The following RAVER1 variants were observed in gnomAD, a reference collection of about 807,000 sequenced individuals.
RAVER1 encodes ribonucleoprotein PTB-binding 1.
In RAVER1, 36 loss-of-function variants were observed where a neutral mutation model predicts 68.4. That is an observed-to-expected ratio of 0.53 (90% CI 0.40 to 0.70). RAVER1 has a LOEUF of 0.70. Ranked by LOEUF, RAVER1 falls within the 30% of genes least tolerant of loss-of-function variation. RAVER1 has a pLI of 0.00. For missense variants in RAVER1, 933 were observed against 1,019.8 expected (o/e 0.91, Z 1.16); for synonymous variants, 469 against 472.7 (o/e 0.99, Z 0.10).
In RAVER1 at chr19:10,329,262, A is replaced by G. The variant is rs979054342; in HGVS notation, c.287-151T>C. Among the ~76,000 whole-genome samples, 4 of 152,236 alleles carry G rather than the reference A, an allele frequency of 2.6e-5. No homozygotes were observed. The highest frequency in any genetic ancestry group is 9.6e-5 in the African/African-American group (4 of 41,468). On this transcript the variant is annotated intron_variant, in intron 2 of 12. Transcript: ENST00000617231. This position sits in a 1 kb window ranked among gnomAD's most constrained non-coding sequence, Gnocchi z 4.6. ...AGTTGCCAGCCTTGGCGACTCACACAGGCGAGAGCGCCTGCCATTGACTCT... is the reference window on the plus strand; with the variant it reads ...AGTTGCCAGCCTTGGCGACTCACACGGGCGAGAGCGCCTGCCATTGACTCT...
intron 9 of RAVER1, 86 bp from the exon 10 acceptor site, chr19:10,319,326 G>T: frequency 7.4e-7 from 1 of 1,346,868 alleles, no homozygotes; most frequent in Non-Finnish European, 1.0e-6. Flanking sequence ...CTGTCATCAG[G>T]GAAGACAGTC....
At position 10,329,436 on chromosome 19, in the gene RAVER1, G is replaced by T. The variant is rs768121241; in HGVS notation, c.287-325C>A. 2.0e-5 allele frequency among the ~76,000 whole-genome samples: 3 copies of T among 152,192 alleles called. No homozygotes were observed. The highest frequency in any genetic ancestry group is 2.9e-5 in the Non-Finnish European group (2 of 68,032). ...CAGTGGTTAAGCCCATGCTCACTGG[G>T]GCCCAGATTTAAGCCCCAAGCCCCA... On this transcript the variant is annotated intron_variant, in intron 2 of 12. Transcript: ENST00000617231. This position sits in a 1 kb window ranked among gnomAD's most constrained non-coding sequence, Gnocchi z 4.6.
chr19:10,328,844 G>A lies in RAVER1; in HGVS notation c.554C>T (p.Ser185Leu), dbSNP rs2040494044. The A allele has an allele frequency of 4.3e-6, 7 of 1,613,244 alleles. No homozygotes were observed. Among genetic ancestry groups the A allele is most frequent in the Non-Finnish European group, 5.1e-6 (6 of 1,179,822 alleles). The change falls in exon 3 of 13, where the codon TCG (serine) becomes TTG (leucine). Residue 185 changes from serine to leucine, a missense_variant. Ser to Leu is a moderately radical substitution (Grantham distance 145, BLOSUM62 -2). Around this residue, in one of 3 missense-constraint regions of RAVER1, gnomAD observed 23 missense variants for 58.7 expected, o/e 0.39. Coordinates refer to ENST00000617231, the MANE Select transcript of RAVER1 (RefSeq NM_133452.3). This position sits in a 1 kb window ranked among gnomAD's most constrained non-coding sequence, Gnocchi z 4.4. ...YGFAEYMKKD[S>L]AARAKSDLLG... Reference sequence around the variant, plus strand: ...CAGGTCCGACTTGGCACGGGCAGCCGAGTCCTTCTTCATGTACTCAGCAAA... The same window carrying A: ...CAGGTCCGACTTGGCACGGGCAGCCAAGTCCTTCTTCATGTACTCAGCAAA...
Position 10,333,399 on chromosome 19 carries a change from G to A in RAVER1, c.109C>T (p.Pro37Ser). ...CGGATCTCTTCTGGATCTAGAGGCG[G>A]CAGCTCTTCTTCCGGCGCCCGGCGC... ...AERRAPEEEL[P>S]PLDPEEIRKR... The change falls in exon 1 of 13, where the codon CCG (proline) becomes TCG (serine). Residue 37 changes from proline to serine, a missense_variant. Pro to Ser is a moderately conservative substitution (Grantham distance 74). Transcript: ENST00000617231. The surrounding 1 kb of genome is among the most constrained non-coding windows in gnomAD (Gnocchi z 4.2). 1 of 1,613,780 alleles carries A rather than the reference G, an allele frequency of 6.2e-7. No homozygotes were observed. The highest frequency in any genetic ancestry group is 1.1e-5 in the South Asian group (1 of 91,090).
Position 10,323,456 on chromosome 19 carries a change from GC to G in RAVER1, c.866del (p.Gly289AlafsTer218). The G allele has an allele frequency of 1.2e-6, 2 of 1,609,624 alleles. No individual in the cohort carries two copies. Among genetic ancestry groups the G allele is most frequent in the Non-Finnish European group, 1.7e-6 (2 of 1,179,418 alleles). ...QQQADGLSLG[G>X]SHLRVSFCAP... The stretch of plus-strand genomic sequence containing the variant: ...CGCAGAAGGAGACTCGCAGGTGGCT[GC>G]CCCCCAGGGACAGGCCGTCCGCCTG... On this transcript the variant is annotated frameshift_variant, in exon 4 of 13. Transcript: ENST00000617231. LOFTEE classifies it high-confidence loss of function. This position sits in a 1 kb window ranked among gnomAD's most constrained non-coding sequence, Gnocchi z 6.2.
At chr19:10,325,101 A>G (rs1599302447) in intron 3 of RAVER1, among the ~76,000 whole-genome samples, 1 of 151,652 alleles carries the variant, frequency 6.6e-6, no homozygotes, top group African/African-American at 2.4e-5. Flanking sequence ...GCTCACTGCA[A>G]CCTCCACCTC....
chr19:10,317,378 A>G lies in RAVER1; in HGVS notation c.*76T>C, dbSNP rs1429555602. ...CCGAAAGAGAGAAAATGGTTTAAAA[A>G]AAACACAAAACAAAACATCAGAAAA... is the stretch of plus-strand genomic sequence containing the variant. On this transcript the variant is annotated 3_prime_UTR_variant, in exon 13 of 13. Transcript: ENST00000617231. The surrounding 1 kb of genome is among the most constrained non-coding windows in gnomAD (Gnocchi z 4.3). 2 of 1,498,490 alleles carry G rather than the reference A, an allele frequency of 1.3e-6. No homozygotes were observed. Among genetic ancestry groups the G allele is most frequent in the Non-Finnish European group, 1.8e-6 (2 of 1,082,000 alleles). The allele number at this position is 1,498,490 out of a possible 1,614,324, so 92.8% of individuals were successfully genotyped here.
Position 10,328,462 on chromosome 19 carries a change from G to T in RAVER1, c.756+180C>A, listed in dbSNP as rs1002412619. ...AGCTACTCTGGAGGTTAAGGCAAGA[G>T]AATTGCTTGAACCAAAGAGGCGGAG... On this transcript the variant is annotated intron_variant, in intron 3 of 12. Coordinates refer to ENST00000617231, the MANE Select transcript of RAVER1 (RefSeq NM_133452.3). This position sits in a 1 kb window ranked among gnomAD's most constrained non-coding sequence, Gnocchi z 4.4. Among the ~76,000 whole-genome samples the T allele has an allele frequency of 4.6e-5, 7 of 152,102 alleles. No individual in the cohort carries two copies. Among genetic ancestry groups the T allele is most frequent in the Non-Finnish European group, 2.9e-5 (2 of 68,024 alleles).
intron 9 of RAVER1, among the ~76,000 whole-genome samples, chr19:10,320,366 T>C (rs2040426716): frequency 6.6e-6 from 1 of 151,870 alleles, no homozygotes. Context: ...TAGCTGGGCA[T>C]GGAGGTGCGT....
In RAVER1 at chr19:10,323,285, G is replaced by A. The variant is rs764007691; in HGVS notation, c.949-11C>T. 2.5e-6 allele frequency: 4 copies of A among 1,613,220 alleles called. No individual in the cohort carries two copies. Among genetic ancestry groups the A allele is most frequent in the Non-Finnish European group, 2.5e-6 (3 of 1,179,646 alleles). On this transcript the variant is annotated splice_polypyrimidine_tract_variant and intron_variant, in intron 4 of 12. Transcript: ENST00000617231. This position sits in a 1 kb window ranked among gnomAD's most constrained non-coding sequence, Gnocchi z 6.2. ...CCCCCGATTGAGGGCCTGCAGGAAG[G>A]AACAGAAGCAGCTCAGAGTGCCGCT... is the stretch of plus-strand genomic sequence containing the variant.
At position 10,329,319 on chromosome 19, in the gene RAVER1, C is replaced by T. The variant is rs1042960964; in HGVS notation, c.287-208G>A. ...CACGAAGCCCACTCCCTCTCCCAGC[C>T]CTGCGTCCACCTGCACCCACAGCAG... On this transcript the variant is annotated intron_variant, in intron 2 of 12. Coordinates refer to ENST00000617231, the MANE Select transcript of RAVER1 (RefSeq NM_133452.3). This position sits in a 1 kb window ranked among gnomAD's most constrained non-coding sequence, Gnocchi z 4.6. 9.9e-5 allele frequency among the ~76,000 whole-genome samples: 15 copies of T among 152,202 alleles called. No homozygotes were observed. The highest frequency in any genetic ancestry group is 3.4e-4 in the African/African-American group (14 of 41,446).
At chr19:10,332,831 T>C (rs1197980403) in intron 1 of RAVER1, among the ~76,000 whole-genome samples, 1 of 152,154 alleles carries the variant, frequency 6.6e-6, no homozygotes, top group Non-Finnish European at 1.5e-5. Flanking sequence ...GATTTATCTC[T>C]GAGAGCAGTG....
Position 10,333,515 on chromosome 19 carries a change from A to T in RAVER1, c.-8T>A. ...GGACACGTCCGCCGCCATCTTGGGA[A>T]ACCCGGCGCCTTCTGGGACCAGCGA... is the stretch of plus-strand genomic sequence containing the variant. On this transcript the variant is annotated 5_prime_UTR_variant, in exon 1 of 13. Coordinates refer to ENST00000617231, the MANE Select transcript of RAVER1 (RefSeq NM_133452.3). The surrounding 1 kb of genome is among the most constrained non-coding windows in gnomAD (Gnocchi z 4.2). 6.3e-7 allele frequency: 1 copy of T among 1,594,438 alleles called. No homozygotes were observed. Among genetic ancestry groups the T allele is most frequent in the Non-Finnish European group, 8.5e-7 (1 of 1,171,284 alleles).
chr19:10,319,163 T>TA lies in RAVER1; in HGVS notation c.1845+2dup. 2 of 1,613,756 alleles carry TA rather than the reference T, an allele frequency of 1.2e-6. No homozygotes were observed. Among genetic ancestry groups the TA allele is most frequent in the Non-Finnish European group, 8.5e-7 (1 of 1,179,696 alleles). On this transcript the variant is annotated splice_region_variant and intron_variant, in intron 10 of 12. Transcript: ENST00000617231. ...TACACATGCCATACCAGGTGGCTCTTACCTTGTGTCGGCTGGGTCCGTGAG... is the reference window on the plus strand; with the variant it reads ...TACACATGCCATACCAGGTGGCTCTTAACCTTGTGTCGGCTGGGTCCGTGAG...
At chr19:10,321,396 G>A in intron 7 of RAVER1, 135 bp downstream of exon 7, 1 of 827,434 alleles carries the variant, frequency 1.2e-6, no homozygotes, top group South Asian at 5.3e-5. Flanking sequence ...CTCATCCCTG[G>A]GCCCTGAGTG....
At position 10,321,434 on chromosome 19, in the gene RAVER1, G is replaced by A. The variant is rs369621177; in HGVS notation, c.1261+97C>T. ...GGGCACCCAACTGATGGACAAGGGC[G>A]CTGGGACCCAGAGGTTGGGTCACTC... On this transcript the variant is annotated intron_variant, in intron 7 of 12. Transcript: ENST00000617231. 32 of 1,063,670 alleles carry A rather than the reference G, an allele frequency of 3.0e-5. No individual in the cohort carries two copies. The South Asian group carries it at 5.1e-4, about 17-fold the overall frequency. The allele number at this position is 1,063,670 out of a possible 1,614,324, so 65.9% of individuals were successfully genotyped here. A position where few individuals can be genotyped will look rare whatever the true frequency, so the allele number is the denominator to read the frequency against.
At chr19:10,330,136 AAAG>A in intron 2 of RAVER1, among the ~76,000 whole-genome samples, 1 of 152,122 alleles carries the variant, frequency 6.6e-6, no homozygotes, top group East Asian at 1.9e-4. Flanking sequence ...AAAAAAAAAA[AAAG>A]ACCACACAAG....
chr19:10,318,834 G>A (rs923136814), intron 10 of RAVER1, among the ~76,000 whole-genome samples: 5 of 152,224 alleles, frequency 3.3e-5, no homozygotes, highest in African/African-American at 1.2e-4. Flanking sequence ...AGCTCACTGA[G>A]ACCCAGGTGA....
At chr19:10,321,027 G>A (rs747742357) in intron 8 of RAVER1, 21 bp downstream of exon 8, 48 of 1,454,524 alleles carry the variant, frequency 3.3e-5, no homozygotes, top group Non-Finnish European at 4.2e-5. Flanking sequence ...GTGTGGTGCC[G>A]CGCGCAGGGC....
Sources: gnomAD v4.1 joint callset for allele counts (sites outside exome capture counted in the v4.1 genomes callset) on GRCh38, gnomAD v4.1.1 for gene constraint, gnomAD v4.1.1 regional missense constraint, Gnocchi (gnomAD v3.1) non-coding constraint, MANE v1.5 for transcripts, NCBI Gene and HGNC (gene_info 2026-07-23, HGNC 2026-07-21) for gene names.